Variants in ETFA observed in about 807,000 individuals in gnomAD.
The protein encoded by ETFA is electron transfer flavoprotein subunit alpha, mitochondrial.
A neutral mutation model predicts 46.2 loss-of-function variants in ETFA; 22 were observed. The ratio of observed to expected loss-of-function variants is 0.48; its 90% confidence interval spans 0.34 to 0.68. The LOEUF (loss-of-function observed/expected upper bound fraction) is 0.68. Among genes scored for constraint, ETFA ranks in the 30% least tolerant of loss-of-function variants. ETFA has a pLI of 0.01. For synonymous variants in ETFA, 131 were observed against 139.9 expected (o/e 0.94, Z 0.45); for missense variants, 345 against 401.1 (o/e 0.86, Z 1.19).
chr15:76,233,701 CTG>C (rs2039093475), intron 9 of ETFA, among the ~76,000 whole-genome samples: 2 of 152,202 alleles, frequency 1.3e-5, no homozygotes, highest in African/African-American at 4.8e-5. Context: ...ATTTGTTAAA[CTG>C]TTAATCAAAA....
Position 76,225,898 on chromosome 15 carries a change from G to A in ETFA, c.914C>T (p.Ala305Val). 1.9e-6 allele frequency: 3 copies of A among 1,611,810 alleles called. No homozygotes were observed. Among genetic ancestry groups the A allele is most frequent in the Non-Finnish European group, 2.5e-6 (3 of 1,177,980 alleles). ...TIVAINKDPE[A>V]PIFQVADYGI... ...ATAATCTGCCACTTGGAAAATTGGA[G>A]CTTCTGGGTCTTTATTAATTGCCAC... The change falls in exon 11 of 12, where the codon GCT becomes GTT. Residue 305 changes from alanine (A) to valine (V), a missense_variant. Ala to Val is a moderately conservative substitution (Grantham distance 64). Coordinates refer to ENST00000557943, the MANE Select transcript of ETFA (RefSeq NM_000126.4).
At chr15:76,278,640 T>G (rs1010647258) in intron 8 of ETFA, among the ~76,000 whole-genome samples, 1 of 152,250 alleles carries the variant, frequency 6.6e-6, no homozygotes, top group African/African-American at 2.4e-5. Context: ...AGTCCTTTCA[T>G]TAGCTGTTTC....
intron 9 of ETFA, among the ~76,000 whole-genome samples, chr15:76,244,225 A>C (rs545974259): frequency 2.0e-5 from 3 of 152,344 alleles, no homozygotes; most frequent in Non-Finnish European, 4.4e-5. Flanking sequence ...TGAGTTGTGA[A>C]GTTCAGACCA....
intron 9 of ETFA, among the ~76,000 whole-genome samples, chr15:76,273,298 G>GT (rs2039558218): frequency 6.6e-6 from 1 of 152,178 alleles, no homozygotes; most frequent in Non-Finnish European, 1.5e-5. Flanking sequence ...GGCTCACGCT[G>GT]TAATTCCAGC....
intron 9 of ETFA, among the ~76,000 whole-genome samples, chr15:76,246,110 T>A (rs937682289): frequency 1.3e-5 from 2 of 152,252 alleles, no homozygotes; most frequent in African/African-American, 2.4e-5. Context: ...GCACTTACTA[T>A]ATACCAGGCA....
chr15:76,231,205 C>T, intron 10 of ETFA, 128 bp downstream of exon 10: 2 of 729,136 alleles, frequency 2.7e-6, no homozygotes, highest in Non-Finnish European at 5.0e-6. Context: ...TTATTTCTTT[C>T]AGTTCCCAGA....
chr15:76,252,281 A>C (rs1348103587), intron 9 of ETFA, among the ~76,000 whole-genome samples: 1 of 152,206 alleles, frequency 6.6e-6, no homozygotes, highest in East Asian at 1.9e-4. Context: ...TCTACTTCAC[A>C]GGTAAACTTA....
At chr15:76,300,367 G>C (rs1375434296) in intron 1 of ETFA, among the ~76,000 whole-genome samples, 2 of 151,966 alleles carry the variant, frequency 1.3e-5, no homozygotes, top group Non-Finnish European at 2.9e-5. Flanking sequence ...TCCAGACTTC[G>C]ATCTGCCCCA....
chr15:76,264,083 G>A (rs1206456654), intron 9 of ETFA, among the ~76,000 whole-genome samples: 1 of 152,148 alleles, frequency 6.6e-6, no homozygotes, highest in Non-Finnish European at 1.5e-5. Context: ...CCAGCAAGAA[G>A]GACAGAATAT....
chr15:76,309,176 G>A (rs908698302), intron 1 of ETFA, among the ~76,000 whole-genome samples: 10 of 152,180 alleles, frequency 6.6e-5, no homozygotes, highest in Non-Finnish European at 1.0e-4. Flanking sequence ...TAGGCTGGGC[G>A]CGGTGGCTCA....
intron 9 of ETFA, among the ~76,000 whole-genome samples, chr15:76,273,069 T>C (rs921031053): frequency 1.3e-5 from 2 of 152,036 alleles, no homozygotes; most frequent in Non-Finnish European, 2.9e-5. Flanking sequence ...GAAAGACTGG[T>C]GCATTAGGTT....
At chr15:76,241,801 CAAAAAAAAAAAAA>C (rs1165964434) in intron 9 of ETFA, among the ~76,000 whole-genome samples, 1 of 30,574 alleles carries the variant, frequency 3.3e-5, no homozygotes, top group South Asian at 2.4e-3. Context: ...GACTCCATCT[CAAAAAAAAAAAAA>C]AAAAAAAAAA....
intron 1 of ETFA, among the ~76,000 whole-genome samples, chr15:76,302,669 T>C (rs1230547270): frequency 1.3e-5 from 2 of 152,154 alleles, no homozygotes; most frequent in African/African-American, 4.8e-5. Flanking sequence ...ATGTAAACTA[T>C]GGACTCTGGG....
intron 11 of ETFA, among the ~76,000 whole-genome samples, chr15:76,225,057 C>G (rs2038991118): frequency 6.6e-6 from 1 of 152,028 alleles, no homozygotes. Flanking sequence ...GGCCATTAAC[C>G]CACAAACACA....
At chr15:76,268,019 A>G (rs1222626492) in intron 9 of ETFA, among the ~76,000 whole-genome samples, 1 of 152,068 alleles carries the variant, frequency 6.6e-6, no homozygotes, top group Non-Finnish European at 1.5e-5. Flanking sequence ...CTTTTTTGCA[A>G]TACTATTGCA....
chr15:76,262,619 A>C (rs1000081357), intron 9 of ETFA, among the ~76,000 whole-genome samples: 3 of 151,616 alleles, frequency 2.0e-5, no homozygotes, highest in Non-Finnish European at 4.4e-5. Context: ...AGTAGCTGGG[A>C]CTACAGGCGC....
chr15:76,280,937 T>C (rs906741655), intron 8 of ETFA, among the ~76,000 whole-genome samples: 2 of 149,650 alleles, frequency 1.3e-5, no homozygotes, highest in South Asian at 4.3e-4. Context: ...TTTTTTTTTT[T>C]CAGACAGTGT....
intron 7 of ETFA, chr15:76,284,892 T>G: frequency 2.6e-6 from 1 of 385,926 alleles, no homozygotes; most frequent in Non-Finnish European, 5.0e-6. Context: ...ATTGTGCCAT[T>G]GCACTCCAGC....
chr15:76,225,446 G>A (rs565938137), intron 11 of ETFA, among the ~76,000 whole-genome samples: 3 of 151,984 alleles, frequency 2.0e-5, no homozygotes, highest in South Asian at 4.2e-4. Flanking sequence ...CTGCCACCAC[G>A]CCCAGCTAAT....
Sources: gnomAD v4.1 joint callset for allele counts (sites outside exome capture counted in the v4.1 genomes callset) on GRCh38, gnomAD v4.1.1 for gene constraint, MANE v1.5 for transcripts, NCBI Gene and HGNC (gene_info 2026-07-23, HGNC 2026-07-21) for gene names.